Variants in ARSB observed in about 807,000 individuals in gnomAD.
The protein encoded by ARSB is arylsulfatase B, also known as N-acetylgalactosamine-4-sulfatase.
In ARSB, 41 loss-of-function variants were observed where a neutral mutation model predicts 50.9. The ratio of observed to expected loss-of-function variants is 0.81; its 90% confidence interval spans 0.63 to 1.04. The LOEUF (loss-of-function observed/expected upper bound fraction) is 1.04. Among genes scored for constraint, ARSB ranks in the 50% least tolerant of loss-of-function variants. The probability of loss-of-function intolerance (pLI) is 0.00; values close to 1 mark genes in which losing one functional copy is unlikely to be tolerated. For missense variants in ARSB, 672 were observed against 693.3 expected (o/e 0.97, Z 0.35); for synonymous variants, 269 against 284.8 (o/e 0.94, Z 0.56).
At position 78,818,914 on chromosome 5, in the gene ARSB, C is replaced by T. The variant is rs146814040; in HGVS notation, c.1213+20442G>A. ...ATTGCAAGCAGTTGTTTATAGATGC[C>T]CCCTCCCACCCTTGCCCTGGCCCTC... On this transcript the variant is annotated intron_variant, in intron 6 of 7. Coordinates refer to ENST00000264914, the MANE Select transcript of ARSB (RefSeq NM_000046.5). Among the ~76,000 whole-genome samples, 65 of 152,210 alleles carry T rather than the reference C, an allele frequency of 4.3e-4. 1 individual carries two copies. The highest frequency in any genetic ancestry group is 4.1e-3 in the South Asian group (20 of 4,824).
chr5:78,859,277 T>C (rs1349025875), intron 5 of ARSB, among the ~76,000 whole-genome samples: 1 of 152,204 alleles, frequency 6.6e-6, no homozygotes, highest in Non-Finnish European at 1.5e-5. Context: ...GAGTTATATA[T>C]GGAAAGATAT....
At chr5:78,896,435 C>T (rs970024504) in intron 4 of ARSB, among the ~76,000 whole-genome samples, 1 of 152,090 alleles carries the variant, frequency 6.6e-6, no homozygotes, top group Non-Finnish European at 1.5e-5. Context: ...CTCCACCCAG[C>T]AGAATAGGGA....
At chr5:78,902,753 CAGAG>C (rs1748864766) in intron 4 of ARSB, among the ~76,000 whole-genome samples, 1 of 152,088 alleles carries the variant, frequency 6.6e-6, no homozygotes, top group African/African-American at 2.4e-5. Flanking sequence ...ATGTGATTGA[CAGAG>C]GGAGGAAAGG....
At chr5:78,799,916 G>T (rs541649878) in intron 6 of ARSB, among the ~76,000 whole-genome samples, 1 of 152,208 alleles carries the variant, frequency 6.6e-6, no homozygotes, top group African/African-American at 2.4e-5. Context: ...TACACCTTGC[G>T]ACCAACCTCT....
chr5:78,780,240 A>T lies in ARSB; in HGVS notation c.*157T>A. 1 of 882,210 alleles carries T rather than the reference A, an allele frequency of 1.1e-6. No homozygotes were observed. 54.6% of individuals were successfully genotyped at this position (882,210 alleles called of 1,614,324 possible). ...GTGTTGCAGATTTTATCAGCTTCTT[A>T]AATGCATTAGGGGTTGAAATTAGAC... On this transcript the variant is annotated 3_prime_UTR_variant, in exon 8 of 8. Transcript: ENST00000264914.
chr5:78,937,842 A>T (rs1263519160), intron 4 of ARSB, among the ~76,000 whole-genome samples: 1 of 152,172 alleles, frequency 6.6e-6, no homozygotes, highest in Non-Finnish European at 1.5e-5. Flanking sequence ...AAACCAAAAC[A>T]AATATAAGGT....
chr5:78,848,906 T>C (rs947974928), intron 5 of ARSB, among the ~76,000 whole-genome samples: 4 of 95,842 alleles, frequency 4.2e-5, no homozygotes, highest in Admixed American at 1.1e-4. Flanking sequence ...TGCCCACTTG[T>C]TGATGGCGTT....
At chr5:78,967,237 C>T (rs1209717265) in intron 2 of ARSB, among the ~76,000 whole-genome samples, 1 of 152,218 alleles carries the variant, frequency 6.6e-6, no homozygotes, top group East Asian at 1.9e-4. Context: ...CTTACCTTCT[C>T]CTTCTCCCAA....
chr5:78,849,608 G>A (rs201807734), intron 5 of ARSB, among the ~76,000 whole-genome samples: 1 of 151,868 alleles, frequency 6.6e-6, no homozygotes, highest in East Asian at 1.9e-4. Context: ...AAAGTCATTG[G>A]TAGCTTGATG....
intron 6 of ARSB, among the ~76,000 whole-genome samples, chr5:78,829,295 A>G (rs759584131): frequency 1.3e-5 from 2 of 152,266 alleles, no homozygotes; most frequent in Admixed American, 1.3e-4. Context: ...GAAAACTAAT[A>G]GTGTTAAATA....
At chr5:78,894,103 G>A (rs1748459407) in intron 4 of ARSB, among the ~76,000 whole-genome samples, 1 of 152,198 alleles carries the variant, frequency 6.6e-6, no homozygotes, top group Admixed American at 6.5e-5. Context: ...AGTAATGAAT[G>A]AGAAAAGTAC....
chr5:78,935,483 G>A (rs1251501441), intron 4 of ARSB, among the ~76,000 whole-genome samples: 1 of 152,216 alleles, frequency 6.6e-6, no homozygotes, highest in Non-Finnish European at 1.5e-5. Flanking sequence ...GCCTAGCAGA[G>A]AGCTTGGCCC....
intron 6 of ARSB, among the ~76,000 whole-genome samples, chr5:78,783,922 T>C (rs1030161369): frequency 6.6e-6 from 1 of 152,162 alleles, no homozygotes; most frequent in African/African-American, 2.4e-5. Flanking sequence ...AAGGGAAAAT[T>C]ACAAAGAATA....
chr5:78,964,716 T>G, intron 2 of ARSB, 110 bp from the exon 3 acceptor site: 1 of 1,032,108 alleles, frequency 9.7e-7, no homozygotes. Flanking sequence ...ACGAGGCTAA[T>G]CAAATGACAA....
chr5:78,943,638 G>A (rs1021707513), intron 4 of ARSB, among the ~76,000 whole-genome samples: 12 of 152,330 alleles, frequency 7.9e-5, no homozygotes, highest in South Asian at 4.1e-4. Flanking sequence ...AGTTTCTGCC[G>A]AGAGACCGAC....
intron 6 of ARSB, chr5:78,816,008 G>A: frequency 1.3e-6 from 2 of 1,552,894 alleles, no homozygotes; most frequent in South Asian, 1.1e-5. Context: ...GAGGCCTTGA[G>A]GGGCCCTTTC....
intron 5 of ARSB, among the ~76,000 whole-genome samples, chr5:78,882,037 G>A (rs1175695883): frequency 6.6e-6 from 1 of 152,350 alleles, no homozygotes; most frequent in African/African-American, 2.4e-5. Flanking sequence ...AACCCAGCAA[G>A]GTCTGTCTCT....
intron 1 of ARSB, among the ~76,000 whole-genome samples, chr5:78,972,728 T>C (rs1199521913): frequency 6.6e-6 from 1 of 152,164 alleles, no homozygotes; most frequent in Non-Finnish European, 1.5e-5. Flanking sequence ...AAAATTCCCT[T>C]AAATGGAAAG....
At chr5:78,981,521 G>C (rs919687282) in intron 1 of ARSB, among the ~76,000 whole-genome samples, 1 of 152,218 alleles carries the variant, frequency 6.6e-6, no homozygotes, top group African/African-American at 2.4e-5. Context: ...GATGGGGTTA[G>C]TATGATAGGT....
Sources: gnomAD v4.1 joint callset for allele counts (sites outside exome capture counted in the v4.1 genomes callset) on GRCh38, gnomAD v4.1.1 for gene constraint, MANE v1.5 for transcripts, NCBI Gene and HGNC (gene_info 2026-07-23, HGNC 2026-07-21) for gene names.